The following LPIN3 variants were observed in gnomAD, a reference collection of about 807,000 sequenced individuals.
LPIN3 encodes the protein lipin 3.
A neutral mutation model predicts 94.7 loss-of-function variants in LPIN3; 82 were observed. The observed-to-expected ratio is 0.87, with a 90% CI of 0.72 to 1.04. LPIN3 has a LOEUF of 1.04. Among genes scored for constraint, LPIN3 ranks in the 50% least tolerant of loss-of-function variants. LPIN3 has a pLI of 0.00. For synonymous variants in LPIN3, 418 were observed against 443.3 expected (o/e 0.94, Z 0.72); for missense variants, 996 against 1,090.5 (o/e 0.91, Z 1.22).
At chr20:41,350,509 T>C in intron 7 of LPIN3, 112 bp downstream of exon 7, 1 of 823,972 alleles carries the variant, frequency 1.2e-6, no homozygotes, top group Non-Finnish European at 1.9e-6. Context: ...GGTGCTGTTC[T>C]TGGCACCAGC....
intron 19 of LPIN3, 59 bp from the exon 20 acceptor site, chr20:41,358,663 G>T: frequency 1.2e-6 from 2 of 1,606,812 alleles, no homozygotes; most frequent in African/African-American, 1.3e-5. Context: ...ACAGACCCAT[G>T]GCCAAGGCCA....
intron 13 of LPIN3, 89 bp downstream of exon 13, chr20:41,354,952 CCT>C: frequency 7.7e-7 from 1 of 1,299,882 alleles, no homozygotes; most frequent in Non-Finnish European, 1.0e-6. Context: ...GAGCCAGCAC[CCT>C]GTCTCCAGCT....
chr20:41,357,890 A>T lies in LPIN3; in HGVS notation c.2048A>T (p.Tyr683Phe). The stretch of plus-strand genomic sequence containing the variant: ...CTGTCCCCCACTCTCAGAAATGGGT[A>T]CAAGTTCCTGTACTGCTCGGCGCGG... ...SLYHKIQLNG[Y>F]KFLYCSARAI... The change falls in exon 17 of 20, where the codon TAC becomes TTC. Residue 683 changes from tyrosine to phenylalanine, a missense_variant. Coordinates refer to ENST00000373257, the MANE Select transcript of LPIN3 (RefSeq NM_022896.3). 6.2e-7 allele frequency: 1 copy of T among 1,614,076 alleles called. No homozygotes were observed. The highest frequency in any genetic ancestry group is 8.5e-7 in the Non-Finnish European group (1 of 1,179,984).
At chr20:41,343,280 A>G (rs1383055353) in intron 1 of LPIN3, among the ~76,000 whole-genome samples, 1 of 152,034 alleles carries the variant, frequency 6.6e-6, no homozygotes, top group Non-Finnish European at 1.5e-5. Flanking sequence ...GCCCCTCCCC[A>G]TGCTTGCTCC....
chr20:41,349,220 A>G (rs772595118), intron 5 of LPIN3, 48 bp downstream of exon 5: 1 of 1,550,374 alleles, frequency 6.5e-7, no homozygotes, highest in East Asian at 2.3e-5. Context: ...TCAAGGTCTG[A>G]GGTTTCCATT....
intron 9 of LPIN3, 118 bp from the exon 10 acceptor site, chr20:41,352,488 C>CCA: frequency 1.1e-6 from 1 of 929,474 alleles, no homozygotes; most frequent in Non-Finnish European, 1.7e-6. Context: ...AGGAGCACTG[C>CCA]CAGGTTACAA....
Position 41,359,123 on chromosome 20 carries a change from CTTTTTTTTTTTTTT to C in LPIN3, c.*269_*282del, listed in dbSNP as rs75257468. 3 of 76,172 alleles carry C rather than the reference CTTTTTTTTTTTTTT, an allele frequency of 3.9e-5. No individual in the cohort carries two copies. Among genetic ancestry groups the C allele is most frequent in the East Asian group, 9.5e-4 (2 of 2,116 alleles). The allele number at this position is 76,172 out of a possible 1,614,324, so 4.7% of individuals were successfully genotyped here. Reference sequence around the variant, plus strand: ...TTGTCATCTGGGCCCTTGCAGGGTTCTTTTTTTTTTTTTTTTTTTTTTTTTCCTGAGACAGGGTC... The same window carrying C: ...TTGTCATCTGGGCCCTTGCAGGGTTCTTTTTTTTTTTCCTGAGACAGGGTC... On this transcript the variant is annotated 3_prime_UTR_variant, in exon 20 of 20. Transcript: ENST00000373257.
At chr20:41,354,780 G>T in intron 12 of LPIN3, 40 bp from the exon 13 acceptor site, 3 of 1,612,826 alleles carry the variant, frequency 1.9e-6, no homozygotes, top group Non-Finnish European at 1.7e-6. Context: ...GCCAGCACAG[G>T]GCGGGAGGTG....
chr20:41,349,813 G>A lies in LPIN3; in HGVS notation c.678G>A (p.Ser226=), dbSNP rs748696138. 47 of 1,613,548 alleles carry A rather than the reference G, an allele frequency of 2.9e-5. No homozygotes were observed. In the South Asian group the frequency reaches 4.0e-4, roughly 14 times the overall value. ...AGCTAACATCCCCTAAGAGCGACTC[G>A]GAGCTGGAGGTGCGGACCCCGGAGC... ...AGELTSPKSD[S]ELEVRTPEPS... Residue 226 remains serine, a synonymous_variant, in exon 6 of 20, where the codon TCG becomes TCA. Transcript: ENST00000373257.
At chr20:41,349,978 C>T (rs1238385871) in intron 6 of LPIN3, 77 bp from the exon 7 acceptor site, 21 of 1,558,844 alleles carry the variant, frequency 1.3e-5, no homozygotes, top group African/African-American at 4.1e-5. Flanking sequence ...GACTGAAACT[C>T]GGGCCACTGC....
intron 17 of LPIN3, 69 bp from the exon 18 acceptor site, chr20:41,358,168 A>G: frequency 1.3e-6 from 2 of 1,586,722 alleles, no homozygotes; most frequent in Non-Finnish European, 1.7e-6. Flanking sequence ...CCATCACCTG[A>G]GCCTGCCATC....
chr20:41,348,658 TG>T lies in LPIN3; in HGVS notation c.335del (p.Gly112ValfsTer69), dbSNP rs756955559. On this transcript the variant is annotated frameshift_variant, in exon 4 of 20. Coordinates refer to ENST00000373257, the MANE Select transcript of LPIN3 (RefSeq NM_022896.3). LOFTEE classifies it high-confidence loss of function. ...PPGLCTSPIP[W>X]GGLSGFPSDS... ...CGGCCTGTGCACCTCACCCATCCCT[TG>T]GGGGGGTCTGTCTGGCTTCCCCTCG... 14 of 1,613,342 alleles carry T rather than the reference TG, an allele frequency of 8.7e-6. No homozygotes were observed. Among genetic ancestry groups the T allele is most frequent in the East Asian group, 4.5e-5 (2 of 44,842 alleles).
Position 41,354,835 on chromosome 20 carries a change from G to A in LPIN3, c.1636G>A (p.Glu546Lys), listed in dbSNP as rs1182901845. ...FLAEERSAQK[E>K]KTAAKEQQGE... ...CTTTCCACAGCGCAGTGCCCAGAAG[G>A]AGAAGACTGCAGCCAAGGAGCAGCA... Residue 546 changes from glutamate to lysine, a missense_variant, in exon 13 of 20, where the codon GAG (glutamate) becomes AAG (lysine). Glu to Lys is a moderately conservative substitution (Grantham distance 56). Transcript: ENST00000373257. 1 of 1,590,392 alleles carries A rather than the reference G, an allele frequency of 6.3e-7. No homozygotes were observed. The highest frequency in any genetic ancestry group is 8.6e-7 in the Non-Finnish European group (1 of 1,168,168).
intron 2 of LPIN3, among the ~76,000 whole-genome samples, 170 bp downstream of exon 2, chr20:41,346,165 G>A (rs1019232483): frequency 1.3e-5 from 2 of 152,180 alleles, no homozygotes; most frequent in African/African-American, 4.8e-5. Context: ...TTGATTTGGG[G>A]GTTTTGGTCT....
At position 41,359,827 on chromosome 20, in the gene LPIN3, C is replaced by T. The variant is rs2046333556; in HGVS notation, c.*961C>T. On this transcript the variant is annotated 3_prime_UTR_variant, in exon 20 of 20. Coordinates refer to ENST00000373257, the MANE Select transcript of LPIN3 (RefSeq NM_022896.3). ...AAACTCAGCTGGGGCAGGTGTTGGC[C>T]TGAAAGTCCTCCCCCAGCCTCTGCT... 6.6e-6 allele frequency: 1 copy of T among 152,282 alleles called. No individual in the cohort carries two copies. The highest frequency in any genetic ancestry group is 1.5e-5 in the Non-Finnish European group (1 of 68,082). 9.4% of individuals were successfully genotyped at this position (152,282 alleles called of 1,614,324 possible). A position where few individuals can be genotyped will look rare whatever the true frequency, so the allele number is the denominator to read the frequency against.
chr20:41,357,289 G>C, intron 15 of LPIN3, 72 bp from the exon 16 acceptor site: 2 of 1,601,582 alleles, frequency 1.2e-6, no homozygotes, highest in Non-Finnish European at 1.7e-6. Context: ...CTCCCTTCCT[G>C]GTGGGCCATC....
Sources: gnomAD v4.1 joint callset for allele counts (sites outside exome capture counted in the v4.1 genomes callset) on GRCh38, gnomAD v4.1.1 for gene constraint, MANE v1.5 for transcripts, NCBI Gene and HGNC (gene_info 2026-07-23, HGNC 2026-07-21) for gene names.